DDAH1: variants seen among roughly 807,000 people sequenced by gnomAD.
The protein encoded by DDAH1 is N(G),N(G)-dimethylarginine dimethylaminohydrolase 1.
Under a neutral mutation model 28.8 loss-of-function variants are expected in DDAH1, and 19 were observed. The ratio of observed to expected loss-of-function variants is 0.66; its 90% CI spans 0.46 to 0.97. The LOEUF (loss-of-function observed/expected upper bound fraction) is 0.97. Ranked by LOEUF, DDAH1 falls within the 50% of genes least tolerant of loss-of-function variation. The pLI is 0.00. For missense variants in DDAH1, 326 were observed against 375.9 expected, an observed-to-expected ratio of 0.87 and a Z score of 1.10; for synonymous variants, 153 against 154.4, an observed-to-expected ratio of 0.99 and a Z score of 0.07.
chr1:85,393,728 A>C (rs1182543224), intron 1 of DDAH1, among the ~76,000 whole-genome samples: 1 of 152,174 alleles, frequency 6.6e-6, no homozygotes, highest in Non-Finnish European at 1.5e-5. Context: ...CCCTTGTCTC[A>C]GCAAATAATG....
intron 4 of DDAH1, among the ~76,000 whole-genome samples, chr1:85,326,189 A>C (rs1647385728): frequency 6.6e-6 from 1 of 152,226 alleles, no homozygotes; most frequent in Non-Finnish European, 1.5e-5. Context: ...CTAGTGTGGA[A>C]TATGTCAAGG....
At chr1:85,497,476 A>G (rs558688191) in intron 1 of DDAH1, among the ~76,000 whole-genome samples, 1 of 152,340 alleles carries the variant, frequency 6.6e-6, no homozygotes, top group African/African-American at 2.4e-5. Flanking sequence ...AATTGGCCCC[A>G]ACTATCTTTT....
At chr1:85,387,075 G>C (rs1570468771) in intron 1 of DDAH1, among the ~76,000 whole-genome samples, 2 of 152,242 alleles carry the variant, frequency 1.3e-5, no homozygotes, top group South Asian at 4.1e-4. Context: ...GTCTGTGATG[G>C]GAAAGGTGGT....
rs1197798866 is a variant in DDAH1, at chr1:85,567,070, TTCTATTC to T, written c.-123+10907_-123+10913del. Reference sequence around the variant, plus strand: ...TCATACAGAAGAGTCAGTCTTATTGTTCTATTCAGGCCTTCAGCTGATTGGATGAGGC... The same window carrying T: ...TCATACAGAAGAGTCAGTCTTATTGTAGGCCTTCAGCTGATTGGATGAGGC... On this transcript the variant is annotated intron_variant, in intron 1 of 6. Transcript: ENST00000426972. Among the ~76,000 whole-genome samples the T allele has an allele frequency of 8.5e-5, 13 of 152,298 alleles. No individual in the cohort carries two copies. The East Asian group carries it at 1.9e-3, about 23-fold the overall frequency.
At chr1:85,448,815 T>A (rs1654547506) in intron 1 of DDAH1, among the ~76,000 whole-genome samples, 4 of 152,198 alleles carry the variant, frequency 2.6e-5, no homozygotes, top group African/African-American at 9.6e-5. Context: ...TTAAACACAG[T>A]GAAATTTCTT....
intron 1 of DDAH1, among the ~76,000 whole-genome samples, chr1:85,561,428 T>C (rs905755046): frequency 5.9e-5 from 9 of 151,972 alleles, no homozygotes; most frequent in Admixed American, 5.9e-4. Context: ...GGTGCAAAAG[T>C]AATTGCACCA....
At chr1:85,484,044 G>C (rs1656107295) in intron 2 of DDAH1, among the ~76,000 whole-genome samples, 1 of 152,128 alleles carries the variant, frequency 6.6e-6, no homozygotes, top group African/African-American at 2.4e-5. Context: ...CAAGAAGTAT[G>C]TGGGTCATCT....
intron 1 of DDAH1, chr1:85,435,310 A>G (rs1037807810): frequency 6.6e-6 from 1 of 152,204 alleles, no homozygotes; most frequent in Admixed American, 6.5e-5. Flanking sequence ...ATATTATTCT[A>G]TTTGATTGCC....
Position 85,393,616 on chromosome 1 carries a change from T to G in DDAH1, c.304-34769A>C, listed in dbSNP as rs1044037453. On this transcript the variant is annotated intron_variant, in intron 1 of 5. Coordinates refer to ENST00000284031, the MANE Select transcript of DDAH1 (RefSeq NM_012137.4). ...TTTGCACCTAAAACCATTAGAAATTTTTACAGTGAGAAAGACATTGGCTTA... is the reference window on the plus strand; with the variant it reads ...TTTGCACCTAAAACCATTAGAAATTGTTACAGTGAGAAAGACATTGGCTTA... 5.3e-5 allele frequency among the ~76,000 whole-genome samples: 8 copies of G among 152,326 alleles called. No homozygotes were observed. The East Asian group carries it at 1.5e-3, about 29-fold the overall frequency.
chr1:85,515,792 C>T (rs1201815253), intron 1 of DDAH1, among the ~76,000 whole-genome samples: 1 of 151,778 alleles, frequency 6.6e-6, no homozygotes, highest in Non-Finnish European at 1.5e-5. Context: ...AAAAGAGAAA[C>T]TTAAAAAAAA....
chr1:85,367,623 G>A (rs1462251505), intron 1 of DDAH1, among the ~76,000 whole-genome samples: 2 of 152,182 alleles, frequency 1.3e-5, no homozygotes, highest in African/African-American at 2.4e-5. Flanking sequence ...GTCTAAATCA[G>A]GCATGGCAGT....
intron 1 of DDAH1, among the ~76,000 whole-genome samples, chr1:85,425,578 C>T (rs1010988692): frequency 2.0e-5 from 3 of 152,274 alleles, no homozygotes; most frequent in East Asian, 1.9e-4. Context: ...CAATACGTAA[C>T]GATTATATCT....
At chr1:85,328,666 T>A (rs1272118229) in intron 4 of DDAH1, among the ~76,000 whole-genome samples, 1 of 152,212 alleles carries the variant, frequency 6.6e-6, no homozygotes, top group Non-Finnish European at 1.5e-5. Flanking sequence ...GGGGAGGCAG[T>A]TCTCTGAGCC....
At chr1:85,551,297 C>T (rs371075101) in intron 1 of DDAH1, among the ~76,000 whole-genome samples, 29 of 152,164 alleles carry the variant, frequency 1.9e-4, no homozygotes, top group Admixed American at 1.1e-3. Context: ...CTCTGGGAAA[C>T]GGATTGTTAG....
At chr1:85,389,699 G>A (rs192384508) in intron 1 of DDAH1, among the ~76,000 whole-genome samples, 1 of 152,270 alleles carries the variant, frequency 6.6e-6, no homozygotes, top group African/African-American at 2.4e-5. Flanking sequence ...AAGTTTTATG[G>A]AATGAATAAA....
At chr1:85,336,715 A>G (rs540349848) in intron 4 of DDAH1, among the ~76,000 whole-genome samples, 1 of 152,152 alleles carries the variant, frequency 6.6e-6, no homozygotes, top group South Asian at 2.1e-4. Flanking sequence ...GAGTTAAAAA[A>G]TAATACTAAG....
At chr1:85,496,844 C>A (rs553835633) in intron 1 of DDAH1, among the ~76,000 whole-genome samples, 1 of 152,218 alleles carries the variant, frequency 6.6e-6, no homozygotes, top group East Asian at 1.9e-4. Flanking sequence ...CCAATAATAA[C>A]CAGTAAGAAA....
At chr1:85,508,650 G>A (rs1346936870) in intron 1 of DDAH1, among the ~76,000 whole-genome samples, 2 of 152,208 alleles carry the variant, frequency 1.3e-5, no homozygotes, top group African/African-American at 2.4e-5. Context: ...CTTAGCAACC[G>A]GCAGACAACG....
intron 2 of DDAH1, among the ~76,000 whole-genome samples, chr1:85,353,279 C>T (rs554768766): frequency 1.2e-4 from 18 of 152,140 alleles, no homozygotes; most frequent in Non-Finnish European, 2.4e-4. Flanking sequence ...TATTGAAATT[C>T]CACATAATAT....
Sources: gnomAD v4.1 joint callset for allele counts (sites outside exome capture counted in the v4.1 genomes callset) on GRCh38, gnomAD v4.1.1 for gene constraint, MANE v1.5 for transcripts, NCBI Gene and HGNC (gene_info 2026-07-23, HGNC 2026-07-21) for gene names.